The following GALNT2 variants were observed in gnomAD, a reference collection of about 807,000 sequenced individuals.
The protein encoded by GALNT2 is polypeptide N-acetylgalactosaminyltransferase 2, also known as UDP-GalNAc:polypeptide N-acetylgalactosaminyltransferase 2.
Under a neutral mutation model 81.4 loss-of-function variants are expected in GALNT2, and 31 were observed. The observed-to-expected ratio is 0.38, with a 90% CI of 0.29 to 0.51. The LOEUF is 0.51. Ranked by LOEUF, GALNT2 falls within the 20% of genes least tolerant of loss-of-function variation. GALNT2 has a pLI of 0.87. For synonymous variants in GALNT2, 303 were observed against 287.4 expected, an observed-to-expected ratio of 1.05 and a Z score of -0.55; for missense variants, 629 against 765.7, an observed-to-expected ratio of 0.82 and a Z score of 2.11.
chr1:230,139,339 C>G (rs927592760), intron 1 of GALNT2, among the ~76,000 whole-genome samples: 1 of 152,210 alleles, frequency 6.6e-6, no homozygotes, highest in South Asian at 2.1e-4. Context: ...CCACATGTGT[C>G]CCTTCTGATG....
chr1:230,190,230 T>C (rs1243238529), intron 2 of GALNT2, among the ~76,000 whole-genome samples: 1 of 152,266 alleles, frequency 6.6e-6, no homozygotes, highest in Non-Finnish European at 1.5e-5. Context: ...TACATAATTC[T>C]ACCATCCAGA....
At chr1:230,220,320 T>C (rs1664507473) in intron 3 of GALNT2, among the ~76,000 whole-genome samples, 2 of 152,010 alleles carry the variant, frequency 1.3e-5, no homozygotes, top group African/African-American at 4.8e-5. Context: ...TTAGGAATTA[T>C]GGACCCTCGC....
chr1:230,262,528 A>G, intron 11 of GALNT2, 45 bp from the exon 12 acceptor site: 1 of 1,533,288 alleles, frequency 6.5e-7, no homozygotes, highest in Non-Finnish European at 9.0e-7. Flanking sequence ...AGTGATGCAG[A>G]CAGAAAGAAA....
In GALNT2 at chr1:230,224,000, G is replaced by GA. The variant is rs552454592; in HGVS notation, c.375-12012dup. On this transcript the variant is annotated intron_variant, in intron 3 of 15. Coordinates refer to ENST00000366672, the MANE Select transcript of GALNT2 (RefSeq NM_004481.5). Reference sequence around the variant, plus strand: ...AACCAACTGCCTGAATAACCTCTAAGAAGGGTGCTCTAAAGGATTCACCAC... The same window carrying GA: ...AACCAACTGCCTGAATAACCTCTAAGAAAGGGTGCTCTAAAGGATTCACCAC... Among the ~76,000 whole-genome samples, 42 of 152,354 alleles carry GA rather than the reference G, an allele frequency of 2.8e-4. No homozygotes were observed. In the East Asian group the frequency reaches 7.9e-3, roughly 29 times the overall value.
chr1:230,234,087 G>A (rs1461121513), intron 3 of GALNT2, among the ~76,000 whole-genome samples: 1 of 152,032 alleles, frequency 6.6e-6, no homozygotes. Flanking sequence ...GAAAGAATAC[G>A]TGAAAAGGCT....
intron 1 of GALNT2, among the ~76,000 whole-genome samples, chr1:230,091,243 T>A (rs955235501): frequency 2.0e-5 from 1 of 49,778 alleles, no homozygotes; most frequent in African/African-American, 7.4e-5. Flanking sequence ...TTTTTTGTAT[T>A]TTTTTTTTTT....
At chr1:230,244,729 C>T (rs1220760088) in intron 7 of GALNT2, among the ~76,000 whole-genome samples, 1 of 152,192 alleles carries the variant, frequency 6.6e-6, no homozygotes, top group African/African-American at 2.4e-5. Context: ...TCCTTTAACT[C>T]ATACACCTAG....
chr1:230,066,158 A>T (rs747996326), upstream of GALNT2, among the ~76,000 whole-genome samples: 4 of 152,236 alleles, frequency 2.6e-5, no homozygotes, highest in African/African-American at 4.8e-5. Flanking sequence ...GTACGGACTT[A>T]TATCAGGCAG....
At chr1:230,067,471 C>A in intron 1 of GALNT2, 65 bp downstream of exon 1, 1 of 594,544 alleles carries the variant, frequency 1.7e-6, no homozygotes, top group South Asian at 8.0e-5. Flanking sequence ...CCCCTGTCCC[C>A]TGCCCTCTCC....
At chr1:230,216,938 G>A (rs1664407970) in intron 3 of GALNT2, among the ~76,000 whole-genome samples, 1 of 152,048 alleles carries the variant, frequency 6.6e-6, no homozygotes, top group African/African-American at 2.4e-5. Context: ...TATCCCAATA[G>A]GAATATTGTA....
At chr1:230,060,901 C>T (rs902798326) in intron 1 of GALNT2, among the ~76,000 whole-genome samples, 5 of 152,018 alleles carry the variant, frequency 3.3e-5, no homozygotes, top group Admixed American at 1.3e-4. Context: ...TAACATTGTG[C>T]TCTCTCTCTC....
At chr1:230,125,515 G>A (rs938196647) in intron 1 of GALNT2, among the ~76,000 whole-genome samples, 6 of 152,344 alleles carry the variant, frequency 3.9e-5, no homozygotes, top group South Asian at 2.1e-4. Context: ...AGCCAAGATC[G>A]TGTCTTAAAT....
At chr1:230,101,585 C>G (rs1660405325) in intron 1 of GALNT2, among the ~76,000 whole-genome samples, 1 of 152,200 alleles carries the variant, frequency 6.6e-6, no homozygotes, top group African/African-American at 2.4e-5. Flanking sequence ...TTGACACAGT[C>G]CCAGTGGTGT....
chr1:230,143,304 C>G (rs1661807242), intron 1 of GALNT2, among the ~76,000 whole-genome samples: 1 of 152,210 alleles, frequency 6.6e-6, no homozygotes, highest in African/African-American at 2.4e-5. Flanking sequence ...GAGAGCTTCT[C>G]TGGAAGGTGT....
intron 1 of GALNT2, among the ~76,000 whole-genome samples, chr1:230,158,951 G>A (rs1273448452): frequency 6.6e-6 from 1 of 152,338 alleles, no homozygotes; most frequent in East Asian, 1.9e-4. Flanking sequence ...TGCCGCTTTG[G>A]ATTTCAGTGG....
intron 10 of GALNT2, among the ~76,000 whole-genome samples, chr1:230,253,240 T>G (rs1285102298): frequency 6.6e-6 from 1 of 152,222 alleles, no homozygotes; most frequent in South Asian, 2.1e-4. Context: ...ACATTTTCTA[T>G]TAGTACAAGA....
upstream of GALNT2, among the ~76,000 whole-genome samples, chr1:230,062,307 T>C (rs1659068544): frequency 6.6e-6 from 1 of 152,214 alleles, no homozygotes; most frequent in South Asian, 2.1e-4. Flanking sequence ...TACCTTTTTA[T>C]CTATAATGTT....
upstream of GALNT2, among the ~76,000 whole-genome samples, chr1:230,063,962 G>A (rs747455873): frequency 1.4e-4 from 22 of 152,160 alleles, no homozygotes; most frequent in Admixed American, 1.0e-3. Flanking sequence ...TATAACTACT[G>A]CATCACTGTG....
intron 1 of GALNT2, among the ~76,000 whole-genome samples, chr1:230,094,064 C>T (rs1336348796): frequency 1.3e-5 from 2 of 151,702 alleles, no homozygotes; most frequent in Non-Finnish European, 2.9e-5. Flanking sequence ...TGCAGTGGCA[C>T]AAACATCACT....
Sources: gnomAD v4.1 joint callset for allele counts (sites outside exome capture counted in the v4.1 genomes callset) on GRCh38, gnomAD v4.1.1 for gene constraint, MANE v1.5 for transcripts, NCBI Gene and HGNC (gene_info 2026-07-23, HGNC 2026-07-21) for gene names.